PLCE1: variants seen among roughly 807,000 people sequenced by gnomAD.
PLCE1 encodes 1-phosphatidylinositol 4,5-bisphosphate phosphodiesterase epsilon-1.
A neutral mutation model predicts 242.8 loss-of-function variants in PLCE1; 119 were observed. The observed-to-expected ratio is 0.49, with a 90% CI of 0.42 to 0.57. The LOEUF (loss-of-function observed/expected upper bound fraction) is 0.57, where lower values mean the gene tolerates loss of function less well. PLCE1 is among the 20% of genes least tolerant of loss of function. PLCE1 has a pLI of 0.00. For missense variants in PLCE1, 2,441 were observed against 2,788.8 expected (o/e 0.88, Z 2.81); for synonymous variants, 945 against 1,017.4 (o/e 0.93, Z 1.35).
At chr10:94,058,397 C>T (rs1025390487) in intron 2 of PLCE1, among the ~76,000 whole-genome samples, 6 of 152,066 alleles carry the variant, frequency 3.9e-5, no homozygotes, top group African/African-American at 1.4e-4. Context: ...GAACTCTAGC[C>T]CTGGAAAGTA....
intron 5 of PLCE1, among the ~76,000 whole-genome samples, chr10:94,229,361 ATGACTGCCATCACAGCACGG>A: frequency 6.6e-6 from 1 of 152,278 alleles, no homozygotes; most frequent in Non-Finnish European, 1.5e-5. Context: ...ACCCCACAAC[ATGACTGCCATCACAGCACGG>A]TGACTGGCTC....
intron 27 of PLCE1, among the ~76,000 whole-genome samples, chr10:94,312,501 C>T (rs1335126944): frequency 6.6e-6 from 1 of 152,236 alleles, no homozygotes; most frequent in Non-Finnish European, 1.5e-5. Flanking sequence ...TCTCATTCTT[C>T]ATCTGCTAAA....
At chr10:94,258,148 A>T (rs1265884918) in intron 11 of PLCE1, among the ~76,000 whole-genome samples, 1 of 152,220 alleles carries the variant, frequency 6.6e-6, no homozygotes, top group Non-Finnish European at 1.5e-5. Flanking sequence ...TTCTAAAATT[A>T]GAGACAGTGC....
intron 4 of PLCE1, 121 bp from the exon 5 acceptor site, chr10:94,227,185 C>A: frequency 1.1e-6 from 1 of 914,520 alleles, no homozygotes; most frequent in South Asian, 1.4e-5. Flanking sequence ...CCAGGACCTA[C>A]AGGTCTTTCA....
rs781444376 is a variant in PLCE1, at chr10:94,246,525, C to T, written c.3000C>T (p.Ser1000=). Residue 1000 remains serine (S), a synonymous_variant, in exon 8 of 33, where the codon AGC becomes AGT. Coordinates refer to ENST00000371380, the MANE Select transcript of PLCE1 (RefSeq NM_016341.4). Reference sequence around the variant, plus strand: ...AGCACACAGCTAAAATGCTCTTCAGCGGATTATTGGAACTCACTAGAGCTG... The same window carrying T: ...AGCACACAGCTAAAATGCTCTTCAGTGGATTATTGGAACTCACTAGAGCTG... ...APKHTAKMLF[S]GLLELTRAVR... is the part of the protein sequence containing the mutation. 46 of 1,614,024 alleles carry T rather than the reference C, an allele frequency of 2.9e-5. No homozygotes were observed. The East Asian group carries it at 4.5e-4, about 16-fold the overall frequency.
At chr10:94,244,910 A>G (rs2050626548) in intron 7 of PLCE1, among the ~76,000 whole-genome samples, 1 of 152,168 alleles carries the variant, frequency 6.6e-6, no homozygotes, top group Non-Finnish European at 1.5e-5. Flanking sequence ...CATGTTGCCC[A>G]GCCTGGTCTC....
At chr10:93,998,494 GAAT>G (rs1354413915) in intron 1 of PLCE1, among the ~76,000 whole-genome samples, 2 of 152,176 alleles carry the variant, frequency 1.3e-5, no homozygotes, top group African/African-American at 4.8e-5. Flanking sequence ...AGATTCTCTA[GAAT>G]CAAATTTCCC....
intron 3 of PLCE1, among the ~76,000 whole-genome samples, chr10:94,147,871 A>G (rs772360642): frequency 3.9e-5 from 6 of 152,218 alleles, no homozygotes; most frequent in Non-Finnish European, 8.8e-5. Context: ...CCCCTGTTCT[A>G]GCTAGGGATG....
chr10:94,036,922 C>T (rs551647127), intron 2 of PLCE1, among the ~76,000 whole-genome samples: 3 of 151,980 alleles, frequency 2.0e-5, no homozygotes, highest in Non-Finnish European at 4.4e-5. Context: ...CTTCTTTGTT[C>T]CACAAGATTT....
Position 94,324,968 on chromosome 10 carries a change from C to A in PLCE1, c.6797C>A (p.Pro2266His), listed in dbSNP as rs1422983924. 3 of 1,614,096 alleles carry A rather than the reference C, an allele frequency of 1.9e-6. No homozygotes were observed. The highest frequency in any genetic ancestry group is 8.5e-7 in the Non-Finnish European group (1 of 1,179,978). Reference protein sequence around the residue: ...LKKLTKSTKQPRGLTSPSQLL... With the variant: ...LKKLTKSTKQHRGLTSPSQLL... ...AAGCTCACCAAGTCAACTAAACAGC[C>A]CCGAGGACTTACATCACCTTCTCAG... is the stretch of plus-strand genomic sequence containing the variant. Residue 2266 changes from proline to histidine, a missense_variant, in exon 32 of 33, where the codon CCC becomes CAC. By Grantham distance (77) the Pro-to-His change is moderately conservative. Coordinates refer to ENST00000371380, the MANE Select transcript of PLCE1 (RefSeq NM_016341.4).
At position 94,171,419 on chromosome 10, in the gene PLCE1, T is replaced by C; in HGVS notation, c.1732T>C (p.Ser578Pro). 1.2e-6 allele frequency: 2 copies of C among 1,614,190 alleles called. No homozygotes were observed. Among genetic ancestry groups the C allele is most frequent in the African/African-American group, 1.3e-5 (1 of 75,060 alleles). Reference sequence around the variant, plus strand: ...GAGCTCCTTGCCCTGCCTCAAAGCATCCATCTCAGCGTCGATTCTTACCAC... The same window carrying C: ...GAGCTCCTTGCCCTGCCTCAAAGCACCCATCTCAGCGTCGATTCTTACCAC... ...CQSSLPCLKA[S>P]ISASILTTQN... The change falls in exon 4 of 33, where the codon TCC becomes CCC. Residue 578 changes from serine to proline, a missense_variant. By Grantham distance (74) the Ser-to-Pro change is moderately conservative (BLOSUM62 -1). Around this residue, in one of 5 missense-constraint regions of PLCE1, gnomAD observed 733 missense variants for 754.2 expected, o/e 0.97. Transcript: ENST00000371380.
chr10:94,005,029 C>T (rs2061006852), intron 1 of PLCE1, among the ~76,000 whole-genome samples: 1 of 152,240 alleles, frequency 6.6e-6, no homozygotes, highest in Non-Finnish European at 1.5e-5. Flanking sequence ...AAAACTCTAA[C>T]TTCACTCATG....
At chr10:94,172,490 T>C (rs752812882) in intron 4 of PLCE1, among the ~76,000 whole-genome samples, 1 of 152,170 alleles carries the variant, frequency 6.6e-6, no homozygotes, top group Non-Finnish European at 1.5e-5. Flanking sequence ...TTCTGAGTCA[T>C]ATATATCTCT....
intron 4 of PLCE1, among the ~76,000 whole-genome samples, chr10:94,172,795 C>T (rs1481963321): frequency 6.6e-6 from 1 of 152,190 alleles, no homozygotes; most frequent in Non-Finnish European, 1.5e-5. Context: ...TCATTATACT[C>T]CAGCCTGGGT....
intron 3 of PLCE1, among the ~76,000 whole-genome samples, chr10:94,170,547 A>G (rs113544390): frequency 0.015 from 2,263 of 152,234 alleles, 61 homozygotes; most frequent in African/African-American, 0.051. Context: ...AGATTTATTT[A>G]TTTAGATACA....
intron 4 of PLCE1, among the ~76,000 whole-genome samples, chr10:94,185,068 C>G (rs2048431501): frequency 6.6e-6 from 1 of 152,138 alleles, no homozygotes; most frequent in African/African-American, 2.4e-5. Context: ...TAGTTCAAGG[C>G]ATACAAGACA....
chr10:94,300,408 C>T (rs1259878282), intron 24 of PLCE1, among the ~76,000 whole-genome samples: 1 of 152,210 alleles, frequency 6.6e-6, no homozygotes, highest in Non-Finnish European at 1.5e-5. Context: ...ACTCAAATGG[C>T]TGTGCTGTGT....
chr10:94,288,447 G>T (rs188424913), intron 22 of PLCE1, among the ~76,000 whole-genome samples: 4 of 152,316 alleles, frequency 2.6e-5, no homozygotes, highest in Admixed American at 2.0e-4. Context: ...CAAAAGTGGA[G>T]TTGACTAGAA....
intron 3 of PLCE1, chr10:94,137,768 G>T (rs905827853): frequency 5.2e-6 from 1 of 192,822 alleles, no homozygotes; most frequent in Admixed American, 6.0e-5. Flanking sequence ...GACACAGGGT[G>T]CCAGGAGGAA....
Sources: gnomAD v4.1 joint callset for allele counts (sites outside exome capture counted in the v4.1 genomes callset) on GRCh38, gnomAD v4.1.1 for gene constraint, gnomAD v4.1.1 regional missense constraint, MANE v1.5 for transcripts, NCBI Gene and HGNC (gene_info 2026-07-23, HGNC 2026-07-21) for gene names.